HMCN1: variants seen among roughly 807,000 people sequenced by gnomAD.
HMCN1 encodes the protein hemicentin 1.
Under a neutral mutation model 625.9 loss-of-function variants are expected in HMCN1, and 321 were observed. That is an observed-to-expected ratio of 0.51 (90% confidence interval 0.47 to 0.56). HMCN1 has a LOEUF of 0.56. Among genes scored for constraint, HMCN1 ranks in the 20% least tolerant of loss-of-function variants. HMCN1 has a pLI of 0.00. For missense variants in HMCN1, 6,588 were observed against 6,887.3 expected, an observed-to-expected ratio of 0.96 and a Z score of 1.54; for synonymous variants, 2,425 against 2,417.6, an observed-to-expected ratio of 1.00 and a Z score of -0.09.
intron 68 of HMCN1, among the ~76,000 whole-genome samples, chr1:186,099,583 G>A (rs1453218497): frequency 1.3e-5 from 2 of 152,020 alleles, no homozygotes; most frequent in African/African-American, 4.8e-5. Context: ...CTCCATCTGT[G>A]GAAGACACAG....
intron 26 of HMCN1, 83 bp downstream of exon 26, chr1:186,000,322 C>A: frequency 1.0e-6 from 1 of 974,490 alleles, no homozygotes; most frequent in Non-Finnish European, 1.6e-6. Context: ...AGTGTAATAT[C>A]ATTTAATATT....
rs749493305 is a variant in HMCN1, at chr1:185,845,031, GT to G, written c.269-994del. Reference sequence around the variant, plus strand: ...GCCCCACCTTTTCCTGTTGGAAGAAGTGATTTTGTGTAGTACATCTGGGCGG... The same window carrying G: ...GCCCCACCTTTTCCTGTTGGAAGAAGGATTTTGTGTAGTACATCTGGGCGG... On this transcript the variant is annotated intron_variant, in intron 1 of 106. Transcript: ENST00000271588. Among the ~76,000 whole-genome samples the G allele has an allele frequency of 3.3e-5, 5 of 152,206 alleles. No individual in the cohort carries two copies. In the East Asian group the frequency reaches 9.6e-4, roughly 29 times the overall value.
At chr1:186,143,579 T>C (rs1650105377) in intron 89 of HMCN1, among the ~76,000 whole-genome samples, 1 of 152,230 alleles carries the variant, frequency 6.6e-6, no homozygotes, top group South Asian at 2.1e-4. Flanking sequence ...AGTATGTTAT[T>C]CAGAACTTTA....
Position 186,069,685 on chromosome 1 carries a change from C to G in HMCN1, c.7902C>G (p.Leu2634=), listed in dbSNP as rs778565039. The G allele has an allele frequency of 6.2e-7, 1 of 1,612,572 alleles. No individual in the cohort carries two copies. The highest frequency in any genetic ancestry group is 8.5e-7 in the Non-Finnish European group (1 of 1,179,342). Residue 2634 remains leucine (L), a synonymous_variant, in exon 51 of 107, where the codon CTC becomes CTG. Transcript: ENST00000271588. ...CAGGAGGCAGAACTCTGCAGATCCTCAATGCACAGGAGGACAATGCTGGAA... is the reference window on the plus strand; with the variant it reads ...CAGGAGGCAGAACTCTGCAGATCCTGAATGCACAGGAGGACAATGCTGGAA... ...ILPGGRTLQI[L]NAQEDNAGRY... is the part of the protein sequence containing the mutation.
intron 25 of HMCN1, among the ~76,000 whole-genome samples, chr1:185,999,195 T>C (rs2102059093): frequency 6.6e-6 from 1 of 152,180 alleles, no homozygotes; most frequent in Non-Finnish European, 1.5e-5. Context: ...TACAGGATTA[T>C]TAACAATGTC....
chr1:185,782,924 A>G (rs1236541520), intron 1 of HMCN1, among the ~76,000 whole-genome samples: 1 of 152,116 alleles, frequency 6.6e-6, no homozygotes, highest in Non-Finnish European at 1.5e-5. Flanking sequence ...TCTCCTGGAT[A>G]ATATCCTGCA....
At chr1:185,765,937 TA>T (rs1655843128) in intron 1 of HMCN1, among the ~76,000 whole-genome samples, 1 of 152,172 alleles carries the variant, frequency 6.6e-6, no homozygotes, top group African/African-American at 2.4e-5. Flanking sequence ...TGGTCCATTG[TA>T]AAAAGCTCCT....
chr1:186,123,405 T>C (rs1005235623), intron 81 of HMCN1, among the ~76,000 whole-genome samples, 185 bp downstream of exon 81: 2 of 152,174 alleles, frequency 1.3e-5, no homozygotes, highest in Non-Finnish European at 2.9e-5. Flanking sequence ...TGTGTGTTTG[T>C]GCACATAGGT....
At chr1:185,842,506 G>A (rs1488908623) in intron 1 of HMCN1, among the ~76,000 whole-genome samples, 1 of 151,896 alleles carries the variant, frequency 6.6e-6, no homozygotes, top group African/African-American at 2.4e-5. Flanking sequence ...CGAGGCCGCA[G>A]TGAGCTGTGA....
At chr1:186,047,729 CT>C in intron 41 of HMCN1, among the ~76,000 whole-genome samples, 1 of 152,200 alleles carries the variant, frequency 6.6e-6, no homozygotes, top group Non-Finnish European at 1.5e-5. Context: ...GAGCAAAGAT[CT>C]TTTAATTGAT....
chr1:185,967,640 C>T (rs1571633427), intron 14 of HMCN1, among the ~76,000 whole-genome samples: 2 of 152,044 alleles, frequency 1.3e-5, no homozygotes, highest in East Asian at 3.9e-4. Context: ...AAGAGCAAAT[C>T]TAGGGGACAA....
intron 11 of HMCN1, among the ~76,000 whole-genome samples, chr1:185,936,519 C>T (rs990932482): frequency 8.5e-5 from 13 of 152,054 alleles, no homozygotes; most frequent in Non-Finnish European, 1.6e-4. Flanking sequence ...GTCCCTGTTT[C>T]GTAGTTTGCT....
intron 2 of HMCN1, among the ~76,000 whole-genome samples, chr1:185,856,343 A>G (rs1662461344): frequency 6.6e-6 from 1 of 152,090 alleles, no homozygotes. Context: ...TACAAAAATT[A>G]GCCAGGCATG....
chr1:186,039,648 G>T, intron 38 of HMCN1, 80 bp from the exon 39 acceptor site: 2 of 1,401,936 alleles, frequency 1.4e-6, no homozygotes, highest in South Asian at 2.3e-5. Flanking sequence ...TAATATTGTA[G>T]ACATTAGATG....
At chr1:185,909,917 T>C (rs138611269) in intron 5 of HMCN1, among the ~76,000 whole-genome samples, 19 of 152,252 alleles carry the variant, frequency 1.2e-4, no homozygotes, top group African/African-American at 4.3e-4. Flanking sequence ...TATCATTTTC[T>C]TGATAAATTT....
intron 4 of HMCN1, among the ~76,000 whole-genome samples, chr1:185,879,924 CAAAATCTTCAATAAA>C (rs1181086786): frequency 6.6e-6 from 1 of 151,996 alleles, no homozygotes; most frequent in Non-Finnish European, 1.5e-5. Flanking sequence ...AGCCAGGTAA[CAAAATCTTCAATAAA>C]TGAGGAAATA....
At chr1:186,001,517 T>A in intron 27 of HMCN1, 77 bp from the exon 28 acceptor site, 1 of 1,598,382 alleles carries the variant, frequency 6.3e-7, no homozygotes, top group Non-Finnish European at 8.6e-7. Context: ...ACTAATAATA[T>A]AAACATTCTA....
rs1442182208 is a variant in HMCN1, at chr1:185,792,210, TAAC to T, written c.269-53810_269-53808del. 2.0e-5 allele frequency among the ~76,000 whole-genome samples: 3 copies of T among 152,346 alleles called. 1 individual carries two copies. Among genetic ancestry groups the T allele is most frequent in the East Asian group, 3.9e-4 (2 of 5,186 alleles). ...TTGTAAGGGGCCATCACCATGCTAATAACAACAATTATTTGTACTTGAATGGAC... is the reference window on the plus strand; with the variant it reads ...TTGTAAGGGGCCATCACCATGCTAATAACAATTATTTGTACTTGAATGGAC... On this transcript the variant is annotated intron_variant, in intron 1 of 106. Transcript: ENST00000271588.
chr1:186,132,488 C>A (rs1661994637), intron 86 of HMCN1, 79 bp downstream of exon 86: 3 of 1,149,268 alleles, frequency 2.6e-6, no homozygotes, highest in Non-Finnish European at 3.8e-6. Context: ...TTCTTTAACT[C>A]TATAGCAAGT....
Sources: gnomAD v4.1 joint callset for allele counts (sites outside exome capture counted in the v4.1 genomes callset) on GRCh38, gnomAD v4.1.1 for gene constraint, MANE v1.5 for transcripts, NCBI Gene and HGNC (gene_info 2026-07-23, HGNC 2026-07-21) for gene names.